The following NEK1 variants were observed in gnomAD, a reference collection of about 807,000 sequenced individuals.
NEK1 encodes serine/threonine-protein kinase Nek1.
In NEK1, 137 loss-of-function variants were observed where a neutral mutation model predicts 182.1. That is an observed-to-expected ratio of 0.75 (90% CI 0.65 to 0.87). The LOEUF (loss-of-function observed/expected upper bound fraction) is 0.87, where lower values mean the gene tolerates loss of function less well. Among genes scored for constraint, NEK1 ranks in the 40% least tolerant of loss-of-function variants. The pLI, the probability that NEK1 is intolerant of heterozygous loss-of-function variation, is 0.00. For missense variants in NEK1, 1,391 were observed against 1,494.4 expected, an observed-to-expected ratio of 0.93 and a Z score of 1.14; for synonymous variants, 513 against 492.2, an observed-to-expected ratio of 1.04 and a Z score of -0.56.
At chr4:169,453,994 A>G (rs1328743189) in intron 27 of NEK1, among the ~76,000 whole-genome samples, 23 of 152,156 alleles carry the variant, frequency 1.5e-4, no homozygotes, top group Admixed American at 1.4e-3. Flanking sequence ...ATAGACCAAT[A>G]GAACAGAACA....
intron 19 of NEK1, among the ~76,000 whole-genome samples, chr4:169,509,588 T>C (rs12331980): frequency 0.088 from 13,382 of 152,078 alleles, 769 homozygotes; most frequent in African/African-American, 0.16. Flanking sequence ...TCTGATCCCA[T>C]TATGACTGAA....
At chr4:169,424,440 G>T in intron 31 of NEK1, 113 bp downstream of exon 31, 1 of 1,209,096 alleles carries the variant, frequency 8.3e-7, no homozygotes, top group South Asian at 2.5e-5. Context: ...TTTGTTGGAT[G>T]TGTGTTTGTG....
intron 31 of NEK1, among the ~76,000 whole-genome samples, chr4:169,423,013 T>G (rs766307860): frequency 1.3e-4 from 20 of 152,156 alleles, no homozygotes; most frequent in Non-Finnish European, 2.5e-4. Flanking sequence ...TGAGGAAATT[T>G]AATAATCTCT....
chr4:169,434,625 C>A (rs1414046650), intron 28 of NEK1, among the ~76,000 whole-genome samples: 1 of 152,138 alleles, frequency 6.6e-6, no homozygotes, highest in Non-Finnish European at 1.5e-5. Context: ...TTGTTAACTT[C>A]TCTTTTTCCT....
intron 10 of NEK1, 137 bp from the exon 11 acceptor site, chr4:169,581,039 T>TAAAAAAAAAAA (rs34236215): frequency 7.8e-6 from 1 of 128,952 alleles, no homozygotes; most frequent in Non-Finnish European, 1.5e-5. Flanking sequence ...ACCAAGTTGT[T>TAAAAAAAAAAA]AAAAAAAAAA....
intron 12 of NEK1, among the ~76,000 whole-genome samples, chr4:169,571,291 A>G (rs955683210): frequency 9.9e-5 from 15 of 152,170 alleles, no homozygotes; most frequent in African/African-American, 3.4e-4. Flanking sequence ...AGGCCAAGGT[A>G]GGTGGATTAC....
At chr4:169,416,491 A>G (rs540822137) in intron 31 of NEK1, among the ~76,000 whole-genome samples, 11 of 152,366 alleles carry the variant, frequency 7.2e-5, no homozygotes, top group African/African-American at 2.6e-4. Flanking sequence ...CAGCATAAAG[A>G]TATATTAATG....
At chr4:169,411,317 T>C (rs1733639951) in intron 31 of NEK1, among the ~76,000 whole-genome samples, 1 of 151,058 alleles carries the variant, frequency 6.6e-6, no homozygotes, top group African/African-American at 2.4e-5. Context: ...TCAGTGGTCA[T>C]GACTGACTGA....
chr4:169,611,719 T>G (rs1213370096), intron 2 of NEK1, among the ~76,000 whole-genome samples: 1 of 152,210 alleles, frequency 6.6e-6, no homozygotes, highest in Non-Finnish European at 1.5e-5. Flanking sequence ...TAATTAAAAT[T>G]TATCAGTAAT....
chr4:169,567,070 T>C (rs1763817696), intron 12 of NEK1, among the ~76,000 whole-genome samples: 1 of 150,862 alleles, frequency 6.6e-6, no homozygotes, highest in Admixed American at 6.6e-5. Flanking sequence ...GGCTTGAGTG[T>C]AGTGAAGGTC....
chr4:169,463,165 T>A, intron 27 of NEK1, 78 bp downstream of exon 27: 1 of 784,004 alleles, frequency 1.3e-6, no homozygotes, highest in Non-Finnish European at 1.8e-6. Flanking sequence ...TCACTTAAAA[T>A]GGAAACATCT....
At chr4:169,453,532 G>A (rs977830532) in intron 27 of NEK1, among the ~76,000 whole-genome samples, 1 of 152,226 alleles carries the variant, frequency 6.6e-6, no homozygotes, top group African/African-American at 2.4e-5. Context: ...GCCCATGCTG[G>A]AAGGTTGTGG....
chr4:169,545,248 A>C (rs1484724159), intron 18 of NEK1, among the ~76,000 whole-genome samples: 8 of 122,172 alleles, frequency 6.5e-5, no homozygotes, highest in South Asian at 2.7e-4. Flanking sequence ...ATTCCCCTTC[A>C]TGTGTCCAGG....
At chr4:169,548,823 C>T (rs1397501762) in intron 18 of NEK1, among the ~76,000 whole-genome samples, 7 of 152,214 alleles carry the variant, frequency 4.6e-5, no homozygotes, top group Non-Finnish European at 8.8e-5. Context: ...CTCCCCGCTC[C>T]AAGCTACAGT....
rs1772326174 is a variant in NEK1 at position 169,611,536 on chromosome 4, T to C, written c.-49+484A>G. Among the ~76,000 whole-genome samples, 3 of 152,324 alleles carry C rather than the reference T, an allele frequency of 2.0e-5. No individual in the cohort carries two copies. The South Asian group carries it at 6.2e-4, about 32-fold the overall frequency. On this transcript the variant is annotated intron_variant, in intron 2 of 35. Coordinates refer to ENST00000507142, the MANE Select transcript of NEK1 (RefSeq NM_001199397.3). ...ATACCAAGGCAATAAAAAATATTTC[T>C]GCTTCCTAAAGCAGATCTTAAAGAA...
rs550435340 is a variant in NEK1 at position 169,416,726 on chromosome 4, G to A, written c.3222+7827C>T. 1.5e-4 allele frequency among the ~76,000 whole-genome samples: 23 copies of A among 152,240 alleles called. No individual in the cohort carries two copies. In the South Asian group the frequency reaches 2.5e-3, roughly 16 times the overall value. ...TCCAGACCAGTCTGGGCAACATAAC[G>A]AGACCTTGTCTCTACAAAAAATTTA... On this transcript the variant is annotated intron_variant, in intron 31 of 35. Coordinates refer to ENST00000507142, the MANE Select transcript of NEK1 (RefSeq NM_001199397.3).
chr4:169,477,758 C>A (rs1231125496), intron 24 of NEK1, among the ~76,000 whole-genome samples: 1 of 151,864 alleles, frequency 6.6e-6, no homozygotes, highest in Non-Finnish European at 1.5e-5. Context: ...TTAACTATAT[C>A]CTCTTCCTCT....
intron 19 of NEK1, among the ~76,000 whole-genome samples, chr4:169,518,513 T>C (rs1173747037): frequency 9.6e-6 from 1 of 103,842 alleles, no homozygotes; most frequent in Non-Finnish European, 1.8e-5. Flanking sequence ...CCTTCAGTTC[T>C]GCTCTGATTT....
intron 27 of NEK1, among the ~76,000 whole-genome samples, chr4:169,455,712 A>G (rs1742748450): frequency 6.6e-6 from 1 of 152,180 alleles, no homozygotes; most frequent in Non-Finnish European, 1.5e-5. Context: ...CAGATCATCC[A>G]GGCAGAAAAT....
Sources: allele counts gnomAD v4.1 joint callset (sites outside exome capture counted in the v4.1 genomes callset), GRCh38; gene constraint gnomAD v4.1.1; transcripts MANE v1.5; gene names NCBI Gene and HGNC (gene_info 2026-07-23, HGNC 2026-07-21).